Variants in RNF152 observed in about 807,000 individuals in gnomAD.
RNF152 encodes E3 ubiquitin-protein ligase RNF152.
Under a neutral mutation model 12.7 loss-of-function variants are expected in RNF152, and 11 were observed. The observed-to-expected ratio is 0.86, with a 90% CI of 0.54 to 1.43. RNF152 has a LOEUF of 1.43. Among genes scored for constraint, RNF152 ranks in the 40% most tolerant of loss-of-function variants. The pLI is 0.00. For missense variants in RNF152, 255 were observed against 274.8 expected (o/e 0.93, Z 0.51); for synonymous variants, 113 against 120.3 (o/e 0.94, Z 0.40).
In RNF152 at chr18:61,815,523, T is replaced by C. The variant is rs1450063984; in HGVS notation, c.*329A>G. Reference sequence around the variant, plus strand: ...GAGAAGGTCACATTGTACGCACTTGTACAGTTTAACGTCTAAGTAGAATAT... The same window carrying C: ...GAGAAGGTCACATTGTACGCACTTGCACAGTTTAACGTCTAAGTAGAATAT... On this transcript the variant is annotated 3_prime_UTR_variant, in exon 2 of 2. Coordinates refer to ENST00000312828, the MANE Select transcript of RNF152 (RefSeq NM_173557.3). 1.1e-5 allele frequency: 3 copies of C among 275,908 alleles called. No homozygotes were observed. The highest frequency in any genetic ancestry group is 8.2e-5 in the East Asian group (1 of 12,238). 17.1% of individuals were successfully genotyped at this position (275,908 alleles called of 1,614,324 possible). A position where few individuals can be genotyped will look rare whatever the true frequency, so the allele number is the denominator to read the frequency against.
At chr18:61,852,773 A>G (rs1752626569) in intron 1 of RNF152, among the ~76,000 whole-genome samples, 1 of 152,174 alleles carries the variant, frequency 6.6e-6, no homozygotes. Flanking sequence ...TGAGCATACA[A>G]GGTTGAGACT....
intron 1 of RNF152, among the ~76,000 whole-genome samples, chr18:61,836,548 C>A (rs533452500): frequency 1.3e-5 from 2 of 152,204 alleles, no homozygotes; most frequent in South Asian, 4.1e-4. Context: ...CGGCTCTCTG[C>A]AAACCAGAAA....
At chr18:61,887,652 A>C (rs1290940435) in intron 1 of RNF152, among the ~76,000 whole-genome samples, 1 of 149,600 alleles carries the variant, frequency 6.7e-6, no homozygotes, top group Non-Finnish European at 1.5e-5. Context: ...GTGAGCTGAG[A>C]TCATGCCCCA....
chr18:61,889,414 A>T (rs1185793423), intron 1 of RNF152, among the ~76,000 whole-genome samples: 1 of 152,234 alleles, frequency 6.6e-6, no homozygotes, highest in Non-Finnish European at 1.5e-5. Context: ...CACAATGTGA[A>T]CAAAGATATA....
chr18:61,825,920 G>C (rs1329996381), intron 1 of RNF152, among the ~76,000 whole-genome samples: 1 of 151,976 alleles, frequency 6.6e-6, no homozygotes, highest in Non-Finnish European at 1.5e-5. Context: ...CAATTTGTTG[G>C]CTTTTTAAAA....
intron 1 of RNF152, among the ~76,000 whole-genome samples, chr18:61,856,667 G>T (rs535444925): frequency 6.6e-6 from 1 of 152,142 alleles, no homozygotes; most frequent in East Asian, 1.9e-4. Flanking sequence ...AGAGGTGAGG[G>T]GTTGGGGGAG....
chr18:61,860,087 A>T (rs1911396851), intron 1 of RNF152, among the ~76,000 whole-genome samples: 1 of 152,134 alleles, frequency 6.6e-6, no homozygotes. Flanking sequence ...ATGTGATGAC[A>T]GGAGCCAAAA....
intron 1 of RNF152, among the ~76,000 whole-genome samples, chr18:61,884,109 G>A (rs1392764212): frequency 1.3e-5 from 2 of 152,168 alleles, no homozygotes; most frequent in Admixed American, 6.5e-5. Flanking sequence ...ATATAAGGAC[G>A]TTAGCAACAG....
rs1452477605 is a variant in RNF152 at position 61,882,750 on chromosome 18, GGTGGA to G, written c.-136+10040_-136+10044del. On this transcript the variant is annotated intron_variant, in intron 1 of 1. Coordinates refer to ENST00000312828, the MANE Select transcript of RNF152 (RefSeq NM_173557.3). ...GAGATCTCTAAGATCTCTGCTATAGGGTGGAGCCAGGCCTGGTTCCCTTCCCAACC... is the reference window on the plus strand; with the variant it reads ...GAGATCTCTAAGATCTCTGCTATAGGGCCAGGCCTGGTTCCCTTCCCAACC... 3.3e-5 allele frequency among the ~76,000 whole-genome samples: 5 copies of G among 152,154 alleles called. No homozygotes were observed. In the East Asian group the frequency reaches 9.7e-4, roughly 29 times the overall value.
chr18:61,885,985 C>CTTTTTTTTTTTT (rs558169838), intron 1 of RNF152, among the ~76,000 whole-genome samples: 8 of 81,694 alleles, frequency 9.8e-5, no homozygotes, highest in African/African-American at 2.8e-4. Context: ...CTTTTGCTTT[C>CTTTTTTTTTTTT]TTTTTTTTTT....
chr18:61,848,751 G>A (rs577464105), intron 1 of RNF152, among the ~76,000 whole-genome samples: 4 of 152,312 alleles, frequency 2.6e-5, no homozygotes, highest in Non-Finnish European at 4.4e-5. Flanking sequence ...AGGCCTGCCC[G>A]GCAGGAGCTG....
chr18:61,877,098 G>C (rs1912246729), intron 1 of RNF152, among the ~76,000 whole-genome samples: 1 of 152,180 alleles, frequency 6.6e-6, no homozygotes, highest in Admixed American at 6.5e-5. Context: ...CAAACACAAA[G>C]CTTCCAGCCA....
chr18:61,833,167 A>C (rs1360658161), intron 1 of RNF152, among the ~76,000 whole-genome samples: 1 of 152,238 alleles, frequency 6.6e-6, no homozygotes, highest in Non-Finnish European at 1.5e-5. Flanking sequence ...AAGATGTAGC[A>C]ATACTAGGAG....
At chr18:61,893,227 G>C (rs1913045004), upstream of RNF152, 1 of 152,236 alleles carries the variant, frequency 6.6e-6, no homozygotes, top group Non-Finnish European at 1.5e-5. Context: ...AACATCTTGG[G>C]GCAAAGACAC....
chr18:61,855,589 C>T (rs992226412), intron 1 of RNF152, among the ~76,000 whole-genome samples: 7 of 152,258 alleles, frequency 4.6e-5, no homozygotes, highest in Admixed American at 2.6e-4. Context: ...GCTGCAGCTT[C>T]GCATGGAGCC....
intron 1 of RNF152, among the ~76,000 whole-genome samples, chr18:61,880,570 C>A (rs567928897): frequency 6.6e-6 from 1 of 152,302 alleles, no homozygotes; most frequent in Admixed American, 6.5e-5. Flanking sequence ...GTCTAATAAA[C>A]ACTATCTACT....
chr18:61,814,439 A>C lies in RNF152; in HGVS notation c.*1413T>G, dbSNP rs1417244784. 1 of 152,242 alleles carries C rather than the reference A, an allele frequency of 6.6e-6. No individual in the cohort carries two copies. The highest frequency in any genetic ancestry group is 1.9e-4 in the East Asian group (1 of 5,192). 9.4% of individuals were successfully genotyped at this position (152,242 alleles called of 1,614,324 possible). On this transcript the variant is annotated 3_prime_UTR_variant, in exon 2 of 2. Transcript: ENST00000312828. ...AAAAGAAGTTAGATGAGAGCTGTAA[A>C]GCTCACAGCTATTTCTGAATGCACA...
intron 1 of RNF152, among the ~76,000 whole-genome samples, chr18:61,829,245 C>T (rs1473786915): frequency 6.6e-6 from 1 of 152,150 alleles, no homozygotes; most frequent in East Asian, 1.9e-4. Flanking sequence ...ACGCAGGGCA[C>T]AGCCTGGACG....
intron 1 of RNF152, among the ~76,000 whole-genome samples, chr18:61,861,989 A>G (rs1911510312): frequency 6.6e-6 from 1 of 152,206 alleles, no homozygotes; most frequent in African/African-American, 2.4e-5. Flanking sequence ...TATACCACTA[A>G]GGAACACAGT....
Sources: gnomAD v4.1 joint callset for allele counts (sites outside exome capture counted in the v4.1 genomes callset) on GRCh38, gnomAD v4.1.1 for gene constraint, MANE v1.5 for transcripts, NCBI Gene and HGNC (gene_info 2026-07-23, HGNC 2026-07-21) for gene names.